Variants in EFCAB6 observed in about 807,000 individuals in gnomAD.
EFCAB6 encodes EF-hand calcium binding domain 6, also known as EF-hand calcium-binding domain-containing protein 6.
Under a neutral mutation model 169.8 loss-of-function variants are expected in EFCAB6, and 156 were observed. The observed-to-expected ratio is 0.92, with a 90% confidence interval of 0.81 to 1.05. EFCAB6 has a LOEUF of 1.05. EFCAB6 is among the 50% of genes least tolerant of loss of function. The pLI is 0.00. For synonymous variants in EFCAB6, 698 were observed against 676.4 expected, an observed-to-expected ratio of 1.03 and a Z score of -0.50; for missense variants, 1,800 against 1,829.1, an observed-to-expected ratio of 0.98 and a Z score of 0.29.
intron 26 of EFCAB6, among the ~76,000 whole-genome samples, chr22:43,565,901 A>G (rs368490616): frequency 6.6e-6 from 1 of 152,226 alleles, no homozygotes; most frequent in African/African-American, 2.4e-5. Context: ...AAATTACTTC[A>G]TTTTATCAAA....
chr22:43,726,942 C>T (rs2147558975), intron 8 of EFCAB6, among the ~76,000 whole-genome samples: 1 of 152,264 alleles, frequency 6.6e-6, no homozygotes, highest in East Asian at 1.9e-4. Context: ...AAATTATAGA[C>T]ATTTACTATA....
At chr22:43,802,882 C>G in intron 2 of EFCAB6, 1 of 306,948 alleles carries the variant, frequency 3.3e-6, no homozygotes, top group Non-Finnish European at 6.3e-6. Flanking sequence ...TGTTAGCACA[C>G]AGAACACTTC....
In EFCAB6 at chr22:43,621,839, T is replaced by C. The variant is rs141205986; in HGVS notation, c.2465+4608A>G. 7.2e-4 allele frequency among the ~76,000 whole-genome samples: 109 copies of C among 152,288 alleles called. 2 individuals are homozygous for C. Among genetic ancestry groups the C allele is most frequent in the African/African-American group, 2.6e-3 (107 of 41,568 alleles). On this transcript the variant is annotated intron_variant, in intron 20 of 31. Coordinates refer to ENST00000262726, the MANE Select transcript of EFCAB6 (RefSeq NM_022785.4). ...GAAAAGAGATCAACTATGAAAGTGA[T>C]AAATGAAATAAGGAATCTCACTAAA...
chr22:43,779,226 C>T (rs1392489815), intron 3 of EFCAB6, among the ~76,000 whole-genome samples: 2 of 152,116 alleles, frequency 1.3e-5, no homozygotes, highest in African/African-American at 4.8e-5. Context: ...ACTATGAACT[C>T]AGGTCTATAG....
intron 16 of EFCAB6, among the ~76,000 whole-genome samples, chr22:43,668,460 C>T (rs1025023825): frequency 6.6e-6 from 1 of 152,122 alleles, no homozygotes; most frequent in Admixed American, 6.5e-5. Context: ...AAAATGTTAA[C>T]TGATTTAATG....
At chr22:43,604,166 T>A (rs1448723932) in intron 22 of EFCAB6, among the ~76,000 whole-genome samples, 4 of 152,270 alleles carry the variant, frequency 2.6e-5, no homozygotes, top group Non-Finnish European at 5.9e-5. Context: ...CGTGAGCCAA[T>A]TAAACCTCTT....
At position 43,669,008 on chromosome 22, in the gene EFCAB6, T is replaced by G. The variant is rs759627925; in HGVS notation, c.1678A>C (p.Ile560Leu). 1 of 1,612,000 alleles carries G rather than the reference T, an allele frequency of 6.2e-7. No homozygotes were observed. Among genetic ancestry groups the G allele is most frequent in the Non-Finnish European group, 8.5e-7 (1 of 1,179,060 alleles). The part of the protein sequence containing the change: ...SKIQDIGSGR[I>L]LYKKLLACIG... ...CATGCCAAAAGTTTCTTGTAAAGGA[T>G]TCTTCCTGAACCAATGTCCTGAATC... is the stretch of plus-strand genomic sequence containing the variant. The change falls in exon 16 of 32, where the codon ATC becomes CTC. Residue 560 changes from isoleucine (I) to leucine (L), a missense_variant. Physicochemically the swap from Ile to Leu is conservative, Grantham distance 5. Transcript: ENST00000262726.
chr22:43,810,981 G>A (rs1298502199), intron 1 of EFCAB6, among the ~76,000 whole-genome samples: 1 of 152,236 alleles, frequency 6.6e-6, no homozygotes, highest in East Asian at 1.9e-4. Flanking sequence ...TATGAAAGTA[G>A]AATTGATTTA....
intron 5 of EFCAB6, chr22:43,759,725 TAC>T (rs1218538211): frequency 2.6e-5 from 4 of 152,224 alleles, no homozygotes; most frequent in African/African-American, 9.6e-5. Context: ...TTCCAGGTCA[TAC>T]CTTTTTAATC....
At chr22:43,784,153 T>C (rs1399701375) in intron 2 of EFCAB6, among the ~76,000 whole-genome samples, 3 of 152,148 alleles carry the variant, frequency 2.0e-5, no homozygotes, top group African/African-American at 7.2e-5. Flanking sequence ...TCCATACTTA[T>C]TTTCAGAAAC....
chr22:43,614,141 T>A (rs2053520612), intron 21 of EFCAB6, among the ~76,000 whole-genome samples: 1 of 108,732 alleles, frequency 9.2e-6, no homozygotes, highest in Admixed American at 1.3e-4. Context: ...AAACTTATTC[T>A]AGATGCAAAG....
chr22:43,576,302 C>T lies in EFCAB6; in HGVS notation c.3415G>A (p.Glu1139Lys), dbSNP rs1221580606. 4.4e-6 allele frequency: 7 copies of T among 1,581,574 alleles called. No individual in the cohort carries two copies. The highest frequency in any genetic ancestry group is 6.0e-6 in the Non-Finnish European group (7 of 1,171,456). ...TGTGCTGCAGACATTCTTACCTCCT[C>T]AAGGAAACAGCTAAAGTTCTGGAGA... ...YFLQNFSCFL[E>K]ETADEWAEKM... The change falls in exon 26 of 32, where the codon GAG becomes AAG. Residue 1139 changes from glutamate (E) to lysine (K), a missense_variant. By Grantham distance (56) the Glu-to-Lys change is moderately conservative. Transcript: ENST00000262726.
At chr22:43,555,197 G>A in intron 26 of EFCAB6, 101 bp from the exon 27 acceptor site, 1 of 1,253,452 alleles carries the variant, frequency 8.0e-7, no homozygotes. Context: ...ACCCAGCGTG[G>A]TGGGGAGGAG....
chr22:43,635,087 T>G lies in EFCAB6; in HGVS notation c.2098+15A>C, dbSNP rs746734246. On this transcript the variant is annotated intron_variant, in intron 18 of 31. Transcript: ENST00000262726. ...AGGACGCATCCCACAGGGTGTGGAC[T>G]TGGCCATTAGCTACCTTCAAATCCT... The G allele has an allele frequency of 6.2e-7, 1 of 1,609,714 alleles. No homozygotes were observed. Among genetic ancestry groups the G allele is most frequent in the Non-Finnish European group, 8.5e-7 (1 of 1,176,080 alleles).
At position 43,744,571 on chromosome 22, in the gene EFCAB6, G is replaced by C. The variant is rs1313911792; in HGVS notation, c.508-8578C>G. Among the ~76,000 whole-genome samples the C allele has an allele frequency of 1.3e-5, 2 of 152,140 alleles. No homozygotes were observed. Among genetic ancestry groups the C allele is most frequent in the Non-Finnish European group, 2.9e-5 (2 of 68,024 alleles). Reference sequence around the variant, plus strand: ...CCTGTTCCCAAGGGACTGCTCATCAGGGAAGGGGACCCAAGCAGCCAAAGG... The same window carrying C: ...CCTGTTCCCAAGGGACTGCTCATCACGGAAGGGGACCCAAGCAGCCAAAGG... On this transcript the variant is annotated intron_variant, in intron 6 of 31. Coordinates refer to ENST00000262726, the MANE Select transcript of EFCAB6 (RefSeq NM_022785.4). The surrounding 1 kb of genome is among the most constrained non-coding windows in gnomAD (Gnocchi z 4.3).
chr22:43,783,219 C>A (rs771843952), intron 2 of EFCAB6, among the ~76,000 whole-genome samples: 1 of 152,166 alleles, frequency 6.6e-6, no homozygotes, highest in Non-Finnish European at 1.5e-5. Flanking sequence ...TGTTTAAAAT[C>A]ATGGCTACCT....
chr22:43,550,106 C>G (rs575639977), intron 27 of EFCAB6, among the ~76,000 whole-genome samples: 34 of 152,218 alleles, frequency 2.2e-4, no homozygotes, highest in African/African-American at 8.2e-4. Context: ...GGGCAGGGGC[C>G]GGCAGAAGCA....
chr22:43,754,169 T>G (rs149297346), intron 6 of EFCAB6, among the ~76,000 whole-genome samples: 132 of 152,360 alleles, frequency 8.7e-4, no homozygotes, highest in African/African-American at 3.2e-3. Flanking sequence ...GCTGTAGGGA[T>G]AAGCATAATA....
intron 10 of EFCAB6, among the ~76,000 whole-genome samples, chr22:43,691,782 G>A (rs2058422442): frequency 6.6e-6 from 1 of 152,070 alleles, no homozygotes; most frequent in Non-Finnish European, 1.5e-5. Context: ...AGATCCTACT[G>A]GCCCAACCCT....
Sources: gnomAD v4.1 joint callset for allele counts (sites outside exome capture counted in the v4.1 genomes callset) on GRCh38, gnomAD v4.1.1 for gene constraint, Gnocchi (gnomAD v3.1) non-coding constraint, MANE v1.5 for transcripts, NCBI Gene and HGNC (gene_info 2026-07-23, HGNC 2026-07-21) for gene names.